Variants in RPTOR observed in about 807,000 individuals in gnomAD.
The protein encoded by RPTOR is regulatory associated protein of MTOR complex 1, also known as regulatory-associated protein of mTOR.
A neutral mutation model predicts 169.9 loss-of-function variants in RPTOR; 21 were observed. That is an observed-to-expected ratio of 0.12 (90% CI 0.09 to 0.18). The LOEUF is 0.18. Among genes scored for constraint, RPTOR ranks in the 10% least tolerant of loss-of-function variants. RPTOR has a pLI of 1.00. For synonymous variants in RPTOR, 732 were observed against 753.2 expected, an observed-to-expected ratio of 0.97 and a Z score of 0.46; for missense variants, 1,133 against 1,855.9, an observed-to-expected ratio of 0.61 and a Z score of 7.16.
At chr17:80,777,717 CTT>C (rs2066905288) in intron 6 of RPTOR, among the ~76,000 whole-genome samples, 1 of 152,220 alleles carries the variant, frequency 6.6e-6, no homozygotes, top group African/African-American at 2.4e-5. Context: ...GACTCCAGCA[CTT>C]TTATAGCTTT....
At chr17:80,639,280 T>C (rs1399962713) in intron 2 of RPTOR, among the ~76,000 whole-genome samples, 1 of 151,004 alleles carries the variant, frequency 6.6e-6, no homozygotes, top group Non-Finnish European at 1.5e-5. Context: ...ACTCAATATG[T>C]CAATTAAAAA....
intron 23 of RPTOR, 69 bp downstream of exon 23, chr17:80,923,742 C>T: frequency 1.4e-6 from 2 of 1,451,178 alleles, no homozygotes; most frequent in Non-Finnish European, 1.8e-6. Context: ...GGCTCATGGC[C>T]TCAGCCTCAG....
At chr17:80,601,260 C>T (rs1396654133) in intron 1 of RPTOR, among the ~76,000 whole-genome samples, 3 of 14,880 alleles carry the variant, frequency 2.0e-4, no homozygotes, top group East Asian at 9.4e-4. Flanking sequence ...GCTGAGGACC[C>T]GGACATTGTG....
chr17:80,961,718 T>C (rs1353299536), intron 31 of RPTOR: 3 of 516,038 alleles, frequency 5.8e-6, no homozygotes, highest in African/African-American at 5.8e-5. Flanking sequence ...TTTCCTGGGC[T>C]GCCAACTGCG....
rs1033957483 is a variant in RPTOR at position 80,860,824 on chromosome 17, G to C, written c.1509+2924G>C. Among the ~76,000 whole-genome samples, 2 of 152,014 alleles carry C rather than the reference G, an allele frequency of 1.3e-5. No individual in the cohort carries two copies. Among genetic ancestry groups the C allele is most frequent in the Non-Finnish European group, 2.9e-5 (2 of 68,006 alleles). ...GATCTCTCACTCTTTTTCTGGGCCT[G>C]GGGCACTGACCATGGCTCTGCTGGC... On this transcript the variant is annotated intron_variant, in intron 13 of 33. Coordinates refer to ENST00000306801, the MANE Select transcript of RPTOR (RefSeq NM_020761.3). The surrounding 1 kb of genome is among the most constrained non-coding windows in gnomAD (Gnocchi z 5.8).
Position 80,683,508 on chromosome 17 carries a change from C to T in RPTOR, c.349-24333C>T, listed in dbSNP as rs1469417560. Among the ~76,000 whole-genome samples the T allele has an allele frequency of 3.3e-5, 5 of 152,180 alleles. No individual in the cohort carries two copies. The East Asian group carries it at 9.6e-4, about 29-fold the overall frequency. On this transcript the variant is annotated intron_variant, in intron 3 of 33. Coordinates refer to ENST00000306801, the MANE Select transcript of RPTOR (RefSeq NM_020761.3). ...AATAAGGACTCTGGCTCTGTGCCTA[C>T]CCTGTTCCTTGTGCTGGTTTTGCAA... is the stretch of plus-strand genomic sequence containing the variant.
chr17:80,629,927 T>C (rs1034871440), intron 2 of RPTOR, among the ~76,000 whole-genome samples: 1 of 152,256 alleles, frequency 6.6e-6, no homozygotes, highest in Non-Finnish European at 1.5e-5. Flanking sequence ...CTGCAGCTCC[T>C]CCGTTTGTTC....
At chr17:80,828,663 A>G (rs900525299) in intron 9 of RPTOR, among the ~76,000 whole-genome samples, 1 of 152,178 alleles carries the variant, frequency 6.6e-6, no homozygotes, top group Non-Finnish European at 1.5e-5. Flanking sequence ...CCCACAACCA[A>G]TGTGACCTGG....
intron 7 of RPTOR, among the ~76,000 whole-genome samples, chr17:80,795,495 G>A (rs749260623): frequency 4.6e-5 from 7 of 152,120 alleles, no homozygotes; most frequent in South Asian, 2.1e-4. Flanking sequence ...CAGTGTTCTC[G>A]TCTTTCTTCC....
chr17:80,934,340 A>G (rs1388093263), intron 24 of RPTOR, among the ~76,000 whole-genome samples: 1 of 151,952 alleles, frequency 6.6e-6, no homozygotes, highest in African/African-American at 2.4e-5. Context: ...GTTCCTGTCT[A>G]TTAAAGAAAA....
At chr17:80,682,107 TC>T (rs1555606410) in intron 3 of RPTOR, among the ~76,000 whole-genome samples, 62 of 62,958 alleles carry the variant, frequency 9.8e-4, no homozygotes, top group East Asian at 1.9e-3. Context: ...TGTGATTAGG[TC>T]CCCCCCCCCA....
At chr17:80,956,778 A>T (rs2069255903) in intron 28 of RPTOR, among the ~76,000 whole-genome samples, 1 of 151,994 alleles carries the variant, frequency 6.6e-6, no homozygotes, top group Non-Finnish European at 1.5e-5. Flanking sequence ...ACTGCTCCGG[A>T]TGTTGGGCAT....
chr17:80,918,468 CCGG>C (rs1567986106), intron 21 of RPTOR, among the ~76,000 whole-genome samples: 3 of 100,762 alleles, frequency 3.0e-5, no homozygotes, highest in African/African-American at 7.6e-5. Context: ...AGCACCCTCG[CCGG>C]AGTCATAGCC....
At chr17:80,901,811 G>A (rs2280144) in intron 20 of RPTOR, among the ~76,000 whole-genome samples, 106,751 of 147,212 alleles carry the variant, frequency 0.73, 38,782 homozygotes, top group Admixed American at 0.78. Flanking sequence ...CAGAAGCCCC[G>A]CCCCCAGCGC....
intron 13 of RPTOR, 185 bp downstream of exon 13, chr17:80,858,085 G>A: frequency 1.6e-6 from 1 of 608,148 alleles, no homozygotes. Flanking sequence ...CTGGGTCGTG[G>A]GGGCTGTCAC....
intron 1 of RPTOR, among the ~76,000 whole-genome samples, chr17:80,607,064 A>G (rs1257888659): frequency 1.3e-5 from 2 of 152,194 alleles, no homozygotes; most frequent in East Asian, 3.8e-4. Flanking sequence ...TGTGAGGTGC[A>G]TGCATGTGAG....
Position 80,622,862 on chromosome 17 carries a change from C to T in RPTOR, c.163-2829C>T, listed in dbSNP as rs146300817. 6.6e-3 allele frequency among the ~76,000 whole-genome samples: 1,005 copies of T among 152,180 alleles called. 6 individuals carry two copies. The highest frequency in any genetic ancestry group is 8.7e-3 in the Non-Finnish European group (590 of 68,010). ...AGGTTGCAGTGAGCCAAGATTATGT[C>T]GCTGCACTCCGGCATGGGTGACAGA... On this transcript the variant is annotated intron_variant, in intron 1 of 33. Coordinates refer to ENST00000306801, the MANE Select transcript of RPTOR (RefSeq NM_020761.3).
intron 10 of RPTOR, 149 bp from the exon 11 acceptor site, chr17:80,846,324 C>A: frequency 1.4e-6 from 1 of 700,182 alleles, no homozygotes; most frequent in Non-Finnish European, 2.4e-6. Flanking sequence ...ATGCCCAGAG[C>A]GCCCGCTTCT....
At chr17:80,770,098 T>G (rs1598293136) in intron 6 of RPTOR, among the ~76,000 whole-genome samples, 1 of 152,190 alleles carries the variant, frequency 6.6e-6, no homozygotes, top group Non-Finnish European at 1.5e-5. Flanking sequence ...TGGCGTCTGG[T>G]GAGGGCTGTT....
Sources: allele counts gnomAD v4.1 joint callset (sites outside exome capture counted in the v4.1 genomes callset), GRCh38; gene constraint gnomAD v4.1.1; non-coding constraint Gnocchi (gnomAD v3.1); transcripts MANE v1.5; gene names NCBI Gene and HGNC (gene_info 2026-07-23, HGNC 2026-07-21).